Variants in LRMDA observed in about 807,000 individuals in gnomAD.
LRMDA encodes the protein leucine rich melanocyte differentiation associated.
A neutral mutation model predicts 29.8 loss-of-function variants in LRMDA; 18 were observed. The observed-to-expected ratio is 0.60, with a 90% CI of 0.42 to 0.90. The LOEUF (loss-of-function observed/expected upper bound fraction) is 0.90. Ranked by LOEUF, LRMDA falls within the 40% of genes least tolerant of loss-of-function variation. LRMDA has a pLI of 0.00. For synonymous variants in LRMDA, 125 were observed against 109.4 expected (o/e 1.14, Z -0.89); for missense variants, 273 against 273.9 (o/e 1.00, Z 0.02).
intron 2 of LRMDA, among the ~76,000 whole-genome samples, chr10:75,698,196 G>A (rs1842262688): frequency 6.6e-6 from 1 of 152,156 alleles, no homozygotes; most frequent in South Asian, 2.1e-4. Context: ...CATTAGTGAG[G>A]GAGGAGATAC....
At chr10:76,046,521 G>C (rs182582420) in intron 3 of LRMDA, among the ~76,000 whole-genome samples, 2 of 151,888 alleles carry the variant, frequency 1.3e-5, no homozygotes, top group East Asian at 4.0e-4. Flanking sequence ...TTTTGAGACA[G>C]AGTCTCGCTC....
intron 5 of LRMDA, among the ~76,000 whole-genome samples, chr10:76,257,793 G>A (rs1852625483): frequency 6.6e-6 from 1 of 152,174 alleles, no homozygotes; most frequent in African/African-American, 2.4e-5. Context: ...TAAGGTCACA[G>A]TCCTGTGGGT....
rs796459169 is a variant in LRMDA, at chr10:75,614,782, G to GT, written c.131+176300dup. Among the ~76,000 whole-genome samples, 495 of 144,040 alleles carry GT rather than the reference G, an allele frequency of 3.4e-3. 2 individuals carry two copies. Among genetic ancestry groups the GT allele is most frequent in the East Asian group, 9.0e-3 (45 of 4,974 alleles). 94.5% of individuals were successfully genotyped at this position (144,040 alleles called of 152,430 possible). A position where few individuals can be genotyped will look rare whatever the true frequency, so the allele number is the denominator to read the frequency against. ...GGTTTTGTGGATATCAGTGGTGTTT[G>GT]TTTTTTTTTTTTCCTTCTCTTTTGG... On this transcript the variant is annotated intron_variant, in intron 2 of 6. Coordinates refer to ENST00000611255, the MANE Select transcript of LRMDA (RefSeq NM_001305581.2).
At chr10:75,828,632 T>C (rs572593595) in intron 2 of LRMDA, among the ~76,000 whole-genome samples, 1 of 152,290 alleles carries the variant, frequency 6.6e-6, no homozygotes, top group South Asian at 2.1e-4. Context: ...ACCAAGAAGT[T>C]TTGTCAACCT....
At chr10:75,739,661 G>C (rs1181015687) in intron 2 of LRMDA, among the ~76,000 whole-genome samples, 1 of 152,172 alleles carries the variant, frequency 6.6e-6, no homozygotes, top group East Asian at 1.9e-4. Flanking sequence ...TGTTTCCAGG[G>C]AACTGATATA....
chr10:76,372,998 G>A (rs200943265), intron 6 of LRMDA, among the ~76,000 whole-genome samples: 2 of 152,280 alleles, frequency 1.3e-5, no homozygotes, highest in South Asian at 2.1e-4. Flanking sequence ...AAGATTTCCA[G>A]CTCTTCAGGT....
At chr10:76,517,813 A>G (rs2132357615) in intron 6 of LRMDA, among the ~76,000 whole-genome samples, 1 of 152,030 alleles carries the variant, frequency 6.6e-6, no homozygotes, top group East Asian at 1.9e-4. Flanking sequence ...GTTCAGGCAA[A>G]GGATTTAAGA....
intron 5 of LRMDA, among the ~76,000 whole-genome samples, chr10:76,202,478 C>T (rs1036076408): frequency 6.6e-6 from 1 of 151,992 alleles, no homozygotes; most frequent in Admixed American, 6.6e-5. Context: ...GTCAGGTTTC[C>T]CTTTAGAAAT....
At chr10:75,724,171 T>C (rs768426329) in intron 2 of LRMDA, among the ~76,000 whole-genome samples, 11 of 152,208 alleles carry the variant, frequency 7.2e-5, no homozygotes, top group Non-Finnish European at 1.5e-4. Flanking sequence ...CATGAAAGAA[T>C]AATTGTGACA....
At chr10:76,176,520 G>A (rs1456507858) in intron 5 of LRMDA, among the ~76,000 whole-genome samples, 2 of 152,218 alleles carry the variant, frequency 1.3e-5, no homozygotes, top group East Asian at 3.9e-4. Flanking sequence ...CCGGCTGGGC[G>A]CGGTGGCTCA....
At chr10:75,850,447 T>G (rs1227080576) in intron 2 of LRMDA, among the ~76,000 whole-genome samples, 3 of 152,302 alleles carry the variant, frequency 2.0e-5, no homozygotes, top group Non-Finnish European at 4.4e-5. Context: ...CACTCAAACT[T>G]AGTGTTAAAA....
At chr10:75,623,587 G>C (rs1841214300) in intron 2 of LRMDA, among the ~76,000 whole-genome samples, 1 of 152,186 alleles carries the variant, frequency 6.6e-6, no homozygotes, top group African/African-American at 2.4e-5. Flanking sequence ...TCGAGTCTGA[G>C]AGTTGCTAGT....
At chr10:76,363,470 A>G (rs1021245515) in intron 6 of LRMDA, among the ~76,000 whole-genome samples, 1 of 152,140 alleles carries the variant, frequency 6.6e-6, no homozygotes, top group African/African-American at 2.4e-5. Context: ...TTAGCAAGTT[A>G]CGGGATGCAA....
At chr10:76,238,983 T>C (rs1398129695) in intron 5 of LRMDA, among the ~76,000 whole-genome samples, 1 of 151,952 alleles carries the variant, frequency 6.6e-6, no homozygotes, top group African/African-American at 2.4e-5. Context: ...ATGAATTGAG[T>C]GAACAGGTAT....
intron 5 of LRMDA, among the ~76,000 whole-genome samples, chr10:76,223,221 C>G (rs1851881672): frequency 1.3e-5 from 2 of 151,690 alleles, no homozygotes; most frequent in African/African-American, 4.9e-5. Context: ...ACATATGTAG[C>G]TAACCTGCAC....
chr10:75,895,532 A>G (rs1845566657), intron 2 of LRMDA, among the ~76,000 whole-genome samples: 1 of 152,192 alleles, frequency 6.6e-6, no homozygotes, highest in African/African-American at 2.4e-5. Flanking sequence ...GCTTGATTCC[A>G]GAATCTAGGT....
rs7921323 is a variant in LRMDA, at chr10:75,735,680, T to C, written c.131+297186T>C. On this transcript the variant is annotated intron_variant, in intron 2 of 6. Transcript: ENST00000611255. ...ATCAGCCCAGAGTACATGTTTCAGA[T>C]TGTTGAAATGAGTTGTTCCCACTCA... Among the ~76,000 whole-genome samples the C allele has an allele frequency of 7.3e-3, 1,104 of 152,230 alleles. 6 individuals are homozygous for C. The highest frequency in any genetic ancestry group is 0.025 in the African/African-American group (1,042 of 41,530).
chr10:75,617,486 C>A (rs890340948), intron 2 of LRMDA, among the ~76,000 whole-genome samples: 20 of 152,212 alleles, frequency 1.3e-4, no homozygotes, highest in African/African-American at 4.8e-4. Flanking sequence ...AATTTGTATT[C>A]TCAGTGCACT....
intron 6 of LRMDA, among the ~76,000 whole-genome samples, chr10:76,525,488 C>T (rs756011674): frequency 6.6e-6 from 1 of 152,076 alleles, no homozygotes; most frequent in African/African-American, 2.4e-5. Flanking sequence ...TGTGTTTCCG[C>T]CGTGTGAATA....
Sources: allele counts gnomAD v4.1 joint callset (sites outside exome capture counted in the v4.1 genomes callset), GRCh38; gene constraint gnomAD v4.1.1; transcripts MANE v1.5; gene names NCBI Gene and HGNC (gene_info 2026-07-23, HGNC 2026-07-21).